Variants in FHL2 observed in about 807,000 individuals in gnomAD.
The protein encoded by FHL2 is four and a half LIM domains 2.
In FHL2, 20 loss-of-function variants were observed where a neutral mutation model predicts 32.7. The ratio of observed to expected loss-of-function variants is 0.61; its 90% CI spans 0.43 to 0.89. The LOEUF (loss-of-function observed/expected upper bound fraction) is 0.89. FHL2 is among the 40% of genes least tolerant of loss of function. FHL2 has a pLI of 0.00. For missense variants in FHL2, 311 were observed against 358.6 expected, an observed-to-expected ratio of 0.87 and a Z score of 1.07; for synonymous variants, 123 against 128.1, an observed-to-expected ratio of 0.96 and a Z score of 0.27.
At chr2:105,393,397 G>A (rs1455231563) in intron 2 of FHL2, among the ~76,000 whole-genome samples, 1 of 152,158 alleles carries the variant, frequency 6.6e-6, no homozygotes, top group Non-Finnish European at 1.5e-5. Context: ...ATGTCACCGG[G>A]GATCCGCAAG....
chr2:105,393,415 C>A (rs1469165476), intron 2 of FHL2, among the ~76,000 whole-genome samples: 1 of 152,170 alleles, frequency 6.6e-6, no homozygotes, highest in Non-Finnish European at 1.5e-5. Flanking sequence ...AAGGGATATT[C>A]AATTACTTAT....
intron 5 of FHL2, among the ~76,000 whole-genome samples, chr2:105,366,575 C>T (rs778408619): frequency 2.4e-4 from 36 of 152,154 alleles, no homozygotes; most frequent in Non-Finnish European, 4.7e-4. Context: ...TTGCGTGTGT[C>T]TAAGAGTCAG....
chr2:105,411,990 T>A (rs1029588692), intron 1 of FHL2, among the ~76,000 whole-genome samples: 1 of 152,072 alleles, frequency 6.6e-6, no homozygotes, highest in Non-Finnish European at 1.5e-5. Flanking sequence ...AAGTCCAGTG[T>A]GACCAGAAGG....
intron 2 of FHL2, among the ~76,000 whole-genome samples, chr2:105,389,500 T>C (rs1243214717): frequency 1.3e-5 from 2 of 152,180 alleles, no homozygotes; most frequent in Non-Finnish European, 2.9e-5. Context: ...AATAATAATT[T>C]GGGAATTTGA....
At chr2:105,383,969 A>G (rs1682102620) in intron 3 of FHL2, among the ~76,000 whole-genome samples, 1 of 152,250 alleles carries the variant, frequency 6.6e-6, no homozygotes, top group Non-Finnish European at 1.5e-5. Flanking sequence ...GCTTGACAGC[A>G]GCCTTGATGA....
chr2:105,376,137 A>G (rs1239109074), intron 3 of FHL2: 1 of 152,198 alleles, frequency 6.6e-6, no homozygotes, highest in Non-Finnish European at 1.5e-5. Flanking sequence ...AGCTCCAGGC[A>G]CGGCACAGCC....
chr2:105,399,291 C>T (rs1409254079), upstream of FHL2: 2 of 1,535,674 alleles, frequency 1.3e-6, no homozygotes, highest in Non-Finnish European at 1.7e-6. Context: ...TCGGGAGCGT[C>T]GCCTCCGGCG....
chr2:105,371,771 C>T (rs1349431364), intron 4 of FHL2, among the ~76,000 whole-genome samples: 1 of 152,032 alleles, frequency 6.6e-6, no homozygotes, highest in East Asian at 1.9e-4. Context: ...TTCCTTGGGC[C>T]CTTGTTCAGG....
intron 1 of FHL2, among the ~76,000 whole-genome samples, chr2:105,406,535 T>C (rs4352254): frequency 0.72 from 108,643 of 151,312 alleles, 39,255 homozygotes; most frequent in African/African-American, 0.8. Context: ...TAATCTAGCT[T>C]CCCAGCCATT....
intron 1 of FHL2, among the ~76,000 whole-genome samples, chr2:105,426,105 T>C (rs997833010): frequency 3.9e-5 from 6 of 152,216 alleles, no homozygotes; most frequent in African/African-American, 1.4e-4. Context: ...GGCAATGTAA[T>C]GGCCACACTA....
intron 3 of FHL2, among the ~76,000 whole-genome samples, chr2:105,385,295 G>A (rs2104582804): frequency 6.6e-6 from 1 of 152,318 alleles, no homozygotes; most frequent in Middle Eastern, 3.4e-3. Flanking sequence ...GCAGCCTTCT[G>A]ATTCCTGTCT....
intron 1 of FHL2, among the ~76,000 whole-genome samples, chr2:105,421,461 C>T (rs1684101418): frequency 6.6e-6 from 1 of 152,214 alleles, no homozygotes; most frequent in African/African-American, 2.4e-5. Flanking sequence ...AAAAGACAAA[C>T]ACTATTCTCT....
intron 1 of FHL2, among the ~76,000 whole-genome samples, chr2:105,405,103 A>C (rs1184667446): frequency 6.6e-6 from 1 of 152,186 alleles, no homozygotes; most frequent in Non-Finnish European, 1.5e-5. Flanking sequence ...TCAGATGAAA[A>C]GTATTTGTAA....
chr2:105,368,876 G>A lies in FHL2; in HGVS notation c.332-1137C>T, dbSNP rs563280894. ...TGTTGTAAGTGCCCGGACTAGCTGA[G>A]GGGCCTGGCCACTGTGTAAGACCAA... On this transcript the variant is annotated intron_variant, in intron 4 of 6. Transcript: ENST00000530340. Among the ~76,000 whole-genome samples the A allele has an allele frequency of 2.2e-3, 336 of 152,348 alleles. 3 individuals are homozygous for A. Among genetic ancestry groups the A allele is most frequent in the East Asian group, 4.8e-3 (25 of 5,184 alleles).
At chr2:105,392,938 G>A (rs1682834146) in intron 2 of FHL2, among the ~76,000 whole-genome samples, 1 of 145,986 alleles carries the variant, frequency 6.8e-6, no homozygotes, top group South Asian at 2.3e-4. Flanking sequence ...TCCTGTCTCA[G>A]CCTCCCAAGT....
chr2:105,431,487 G>C (rs1451785211), intron 1 of FHL2, among the ~76,000 whole-genome samples: 1 of 152,236 alleles, frequency 6.6e-6, no homozygotes, highest in Non-Finnish European at 1.5e-5. Flanking sequence ...TCTTGGGGAA[G>C]AGTCTGACAG....
At chr2:105,368,378 CTGGAGTGCAG>C (rs1558684662) in intron 4 of FHL2, among the ~76,000 whole-genome samples, 1 of 152,258 alleles carries the variant, frequency 6.6e-6, no homozygotes, top group Admixed American at 6.5e-5. Context: ...GTCACCCAGG[CTGGAGTGCAG>C]TGGTGCGATC....
At chr2:105,420,828 C>T (rs1446360818) in intron 1 of FHL2, among the ~76,000 whole-genome samples, 1 of 152,148 alleles carries the variant, frequency 6.6e-6, no homozygotes, top group Admixed American at 6.5e-5. Flanking sequence ...AAGTATCTAA[C>T]GCCTCCACTG....
chr2:105,380,836 T>C (rs114053011), intron 3 of FHL2, among the ~76,000 whole-genome samples: 1,860 of 152,314 alleles, frequency 0.012, 31 homozygotes, highest in African/African-American at 0.042. Context: ...AGGCTAATCT[T>C]GTGCTCACAG....
Sources: allele counts gnomAD v4.1 joint callset (sites outside exome capture counted in the v4.1 genomes callset), GRCh38; gene constraint gnomAD v4.1.1; transcripts MANE v1.5; gene names NCBI Gene and HGNC (gene_info 2026-07-23, HGNC 2026-07-21).